NDUFA10: variants seen among roughly 807,000 people sequenced by gnomAD.
The protein encoded by NDUFA10 is NADH dehydrogenase [ubiquinone] 1 alpha subcomplex subunit 10, mitochondrial.
Under a neutral mutation model 47.8 loss-of-function variants are expected in NDUFA10, and 40 were observed. That is an observed-to-expected ratio of 0.84 (90% CI 0.65 to 1.09). The LOEUF is 1.09. Ranked by LOEUF, NDUFA10 falls within the 50% of genes least tolerant of loss-of-function variation. The probability of loss-of-function intolerance (pLI) is 0.00; values close to 1 mark genes in which losing one functional copy is unlikely to be tolerated. For missense variants in NDUFA10, 413 were observed against 451.1 expected, an observed-to-expected ratio of 0.92 and a Z score of 0.76; for synonymous variants, 183 against 172.2, an observed-to-expected ratio of 1.06 and a Z score of -0.49.
In NDUFA10 at chr2:240,021,249, G is replaced by A; in HGVS notation, c.408C>T (p.Tyr136=). Residue 136 remains tyrosine, a synonymous_variant, in exon 3 of 10, where the codon TAC becomes TAT. Coordinates refer to ENST00000252711, the MANE Select transcript of NDUFA10 (RefSeq NM_004544.4). Reference sequence around the variant, plus strand: ...CTGAGTACTGCAGCAGGCGACTGCTGTACAACCAGGACTGCAGGCGGTAAC... The same window carrying A: ...CTGAGTACTGCAGCAGGCGACTGCTATACAACCAGGACTGCAGGCGGTAAC... ...GNSYRLQSWL[Y]SSRLLQYSDA... The A allele has an allele frequency of 6.2e-7, 1 of 1,614,230 alleles. No homozygotes were observed. The highest frequency in any genetic ancestry group is 8.5e-7 in the Non-Finnish European group (1 of 1,180,038).
intron 4 of NDUFA10, among the ~76,000 whole-genome samples, chr2:239,914,734 TACAC>T (rs1693817275): frequency 3.9e-5 from 1 of 25,968 alleles, no homozygotes. Flanking sequence ...TATACAGAGA[TACAC>T]ATACACACAC....
intron 9 of NDUFA10, among the ~76,000 whole-genome samples, chr2:239,984,466 G>A (rs749544641): frequency 1.4e-4 from 22 of 152,274 alleles, no homozygotes; most frequent in Admixed American, 3.9e-4. Context: ...ATTTAAATAC[G>A]ATTCAAAATT....
At chr2:240,024,499 A>C (rs1697773361) in intron 1 of NDUFA10, among the ~76,000 whole-genome samples, 1 of 152,228 alleles carries the variant, frequency 6.6e-6, no homozygotes, top group South Asian at 2.1e-4. Context: ...GAATTTTTTA[A>C]GGCAGTGAAG....
At chr2:240,025,170 CCCCG>C in intron 1 of NDUFA10, 53 bp downstream of exon 1, 1 of 559,878 alleles carries the variant, frequency 1.8e-6, no homozygotes, top group Non-Finnish European at 3.0e-6. Flanking sequence ...CTGCTCCCCA[CCCCG>C]CCACCCCGCC....
chr2:239,984,055 C>T (rs1459677987), intron 9 of NDUFA10, among the ~76,000 whole-genome samples: 1 of 151,868 alleles, frequency 6.6e-6, no homozygotes, highest in Admixed American at 6.6e-5. Flanking sequence ...CATGATGGTG[C>T]AACCCCATCT....
chr2:239,908,225 C>T (rs1408394448), intron 4 of NDUFA10, among the ~76,000 whole-genome samples: 1 of 150,126 alleles, frequency 6.7e-6, no homozygotes, highest in Non-Finnish European at 1.5e-5. Context: ...GGGTGGGGAA[C>T]ATCACACACC....
intron 4 of NDUFA10, among the ~76,000 whole-genome samples, chr2:239,925,680 G>C (rs541791042): frequency 1.3e-5 from 2 of 152,214 alleles, no homozygotes; most frequent in East Asian, 3.9e-4. Flanking sequence ...CATAAAATTG[G>C]ACCTCACGCA....
At chr2:239,970,462 T>G (rs1284749348) in intron 9 of NDUFA10, among the ~76,000 whole-genome samples, 3 of 152,174 alleles carry the variant, frequency 2.0e-5, no homozygotes, top group Middle Eastern at 3.2e-3. Flanking sequence ...CACAAAGGAA[T>G]GAAGCACATC....
At chr2:239,952,767 AG>A (rs1389721815), downstream of NDUFA10, among the ~76,000 whole-genome samples, 2 of 152,176 alleles carry the variant, frequency 1.3e-5, no homozygotes, top group East Asian at 1.9e-4. Flanking sequence ...AGGGCCCCGG[AG>A]GGGTGCAGCC....
At chr2:239,983,944 C>T (rs867544856) in intron 9 of NDUFA10, among the ~76,000 whole-genome samples, 52 of 152,164 alleles carry the variant, frequency 3.4e-4, no homozygotes, top group African/African-American at 1.2e-3. Context: ...CTTTAGTTAA[C>T]AATAAGGGCC....
At chr2:239,916,800 C>G (rs1021764218) in intron 4 of NDUFA10, among the ~76,000 whole-genome samples, 7 of 152,214 alleles carry the variant, frequency 4.6e-5, no homozygotes, top group African/African-American at 1.7e-4. Flanking sequence ...CCTTGATTCC[C>G]TCAGGAGGAG....
intron 5 of NDUFA10, chr2:240,014,519 G>C: frequency 1.6e-6 from 1 of 636,446 alleles, no homozygotes; most frequent in Non-Finnish European, 2.8e-6. Flanking sequence ...GGACCGCAGA[G>C]CACTGGTGGG....
At chr2:239,910,570 T>C (rs2106471017) in intron 4 of NDUFA10, among the ~76,000 whole-genome samples, 1 of 151,404 alleles carries the variant, frequency 6.6e-6, no homozygotes, top group East Asian at 1.9e-4. Context: ...CTGGGGGGTG[T>C]TGAGGAAGGG....
At chr2:239,966,401 CA>C (rs1324396817) in intron 9 of NDUFA10, among the ~76,000 whole-genome samples, 1 of 152,146 alleles carries the variant, frequency 6.6e-6, no homozygotes, top group East Asian at 1.9e-4. Flanking sequence ...CAAAATGACA[CA>C]TGAGGGTGTG....
chr2:240,008,680 C>T (rs151030540), intron 6 of NDUFA10, among the ~76,000 whole-genome samples: 60 of 152,346 alleles, frequency 3.9e-4, no homozygotes, highest in African/African-American at 1.2e-3. Flanking sequence ...GAGATCAGGA[C>T]GATGTGACAG....
rs796879202 is a variant in NDUFA10, at chr2:239,916,688, GC to G, written c.295-21375del. ...ACCAGCAGGTTTGGTGTCTGCGAGG[GC>G]CGCTCTCTGCTCCCAGGACGGCACC... On this transcript the variant is annotated intron_variant, in intron 4 of 5. Coordinates refer to the NDUFA10 transcript ENST00000419408. Among the ~76,000 whole-genome samples the G allele has an allele frequency of 4.2e-4, 64 of 152,384 alleles. 1 individual carries two copies. Among genetic ancestry groups the G allele is most frequent in the African/African-American group, 1.5e-3 (63 of 41,598 alleles).
chr2:239,979,056 C>A (rs1343694531), intron 9 of NDUFA10, among the ~76,000 whole-genome samples: 1 of 152,154 alleles, frequency 6.6e-6, no homozygotes, highest in Non-Finnish European at 1.5e-5. Flanking sequence ...GGTGGGCGAG[C>A]CTCCCCAGCG....
Position 239,905,767 on chromosome 2 carries a change from C to T in NDUFA10, c.295-10453G>A, listed in dbSNP as rs1008311841. Among the ~76,000 whole-genome samples the T allele has an allele frequency of 3.4e-5, 5 of 148,150 alleles. No homozygotes were observed. In the East Asian group the frequency reaches 1.0e-3, roughly 30 times the overall value. On this transcript the variant is annotated intron_variant, in intron 4 of 5. Transcript: ENST00000419408. ...TTTGCAGATCTGCCAAGGGATGAGG[C>T]TAATTATCTCTGAAGAAGAAGAAGC...
chr2:240,010,456 T>C (rs1011801977), intron 6 of NDUFA10, among the ~76,000 whole-genome samples: 2 of 152,220 alleles, frequency 1.3e-5, no homozygotes, highest in African/African-American at 2.4e-5. Flanking sequence ...GTGATGTTTT[T>C]GAAGCCAGAA....
Sources: allele counts gnomAD v4.1 joint callset (sites outside exome capture counted in the v4.1 genomes callset), GRCh38; gene constraint gnomAD v4.1.1; transcripts MANE v1.5; gene names NCBI Gene and HGNC (gene_info 2026-07-23, HGNC 2026-07-21).